The following PSG4 variants were observed in gnomAD, a reference collection of about 807,000 sequenced individuals.
PSG4 encodes the protein pregnancy specific beta-1-glycoprotein 4.
A neutral mutation model predicts 44.3 loss-of-function variants in PSG4; 61 were observed. The observed-to-expected ratio is 1.38, with a 90% CI of 1.12 to 1.70. The LOEUF (loss-of-function observed/expected upper bound fraction) is 1.70, where lower values mean the gene tolerates loss of function less well. PSG4 is among the 40% of genes most tolerant of loss of function. PSG4 has a pLI of 0.00. For missense variants in PSG4, 677 were observed against 511.7 expected, an observed-to-expected ratio of 1.32 and a Z score of -3.12; for synonymous variants, 248 against 191.3, an observed-to-expected ratio of 1.30 and a Z score of -2.45.
Position 43,194,427 on chromosome 19 carries a change from T to C in PSG4, c.1156A>G (p.Thr386Ala), listed in dbSNP as rs1313642020. 3.1e-6 allele frequency: 5 copies of C among 1,612,408 alleles called. No homozygotes were observed. In the African/African-American group the frequency reaches 4.0e-5, roughly 13 times the overall value. ...GQKLSIPQIT[T>A]KHSGLYACSV... ...CAAGCATAGAGCCCACTATGCTTTG[T>C]AGTTATTTGGGGGATAGAGAGCTTT... Residue 386 changes from threonine to alanine, a missense_variant, in exon 5 of 6, where the codon ACA (threonine) becomes GCA (alanine). Transcript: ENST00000405312.
intron 2 of PSG4, among the ~76,000 whole-genome samples, chr19:43,200,218 C>A (rs1243286603): frequency 1.4e-5 from 2 of 144,422 alleles, no homozygotes; most frequent in African/African-American, 5.4e-5. Flanking sequence ...GTGAAGAAAT[C>A]CAACTTATGA....
At chr19:43,195,353 T>C (rs1967196476) in intron 3 of PSG4, 80 bp from the exon 4 acceptor site, 3 of 1,556,794 alleles carry the variant, frequency 1.9e-6, no homozygotes, top group Middle Eastern at 4.6e-4. Context: ...AGAGTTGGCA[T>C]CTCCCACCTC....
rs1354964091 is a variant in PSG4, at chr19:43,193,656, CT to C, written c.1244-269del. On this transcript the variant is annotated intron_variant, in intron 5 of 5. Transcript: ENST00000405312. ...TATTTGCTCTAAGTTTTTATAAGGACTCTCAGATTAAACTTTTACAAAACCC... is the reference window on the plus strand; with the variant it reads ...TATTTGCTCTAAGTTTTTATAAGGACCTCAGATTAAACTTTTACAAAACCC... The C allele has an allele frequency of 1.2e-5, 7 of 563,570 alleles. 1 individual carries two copies. The highest frequency in any genetic ancestry group is 3.8e-5 in the African/African-American group (2 of 52,652). The allele number at this position is 563,570 out of a possible 1,614,324, so 34.9% of individuals were successfully genotyped here.
intron 1 of PSG4, among the ~76,000 whole-genome samples, chr19:43,205,181 A>G (rs531157674): frequency 8.3e-6 from 1 of 120,706 alleles, no homozygotes; most frequent in Admixed American, 9.7e-5. Flanking sequence ...TATCTTGGCT[A>G]GCTGCAACTT....
At chr19:43,203,648 C>A (rs987746128) in intron 2 of PSG4, 5 of 665,600 alleles carry the variant, frequency 7.5e-6, no homozygotes, top group South Asian at 2.0e-5. Flanking sequence ...CCTGCTGAGT[C>A]CCCCCATCAG....
In PSG4 at chr19:43,198,180, C is replaced by G. The variant is rs777453397; in HGVS notation, c.526G>C (p.Ala176Pro). 4.2e-5 allele frequency: 66 copies of G among 1,587,630 alleles called. 6 individuals are homozygous for G. The highest frequency in any genetic ancestry group is 5.5e-5 in the Non-Finnish European group (65 of 1,171,868). The change falls in exon 3 of 6, where the codon GCA becomes CCA. Residue 176 changes from alanine to proline, a missense_variant. Transcript: ENST00000405312. Reference sequence around the variant, plus strand: ...CCATTCATCCACCACTGGTAGCTTGCGGCTGGAGTCGCAGGATCACAGGTT... The same window carrying G: ...CCATTCATCCACCACTGGTAGCTTGGGGCTGGAGTCGCAGGATCACAGGTT... ...ILTCDPATPAASYQWWMNGQS... is the reference protein window; with the variant it reads ...ILTCDPATPAPSYQWWMNGQS...
At chr19:43,198,424 T>G (rs1967355569) in intron 2 of PSG4, 149 bp from the exon 3 acceptor site, 3 of 1,355,228 alleles carry the variant, frequency 2.2e-6, no homozygotes, top group Non-Finnish European at 2.9e-6. Context: ...GACAGATGCA[T>G]GGCAATCTGA....
intron 4 of PSG4, 75 bp downstream of exon 4, chr19:43,194,920 G>A: frequency 6.3e-7 from 1 of 1,583,728 alleles, no homozygotes; most frequent in South Asian, 1.2e-5. Context: ...ACTGGAGAGA[G>A]ACTGAGAGAC....
chr19:43,193,626 A>G (rs1304310465), intron 5 of PSG4: 1 of 576,098 alleles, frequency 1.7e-6, no homozygotes, highest in African/African-American at 1.9e-5. Context: ...GCTCTTTTAG[A>G]ATTTTATTTG....
At chr19:43,197,894 A>T in intron 3 of PSG4, 103 bp downstream of exon 3, 1 of 1,575,320 alleles carries the variant, frequency 6.3e-7, no homozygotes, top group Non-Finnish European at 8.6e-7. Flanking sequence ...GTCTAGGGGT[A>T]AAGGTCTCTG....
At chr19:43,199,487 G>A (rs1398480658) in intron 2 of PSG4, among the ~76,000 whole-genome samples, 1 of 145,272 alleles carries the variant, frequency 6.9e-6, no homozygotes. Flanking sequence ...TTTTATTTTG[G>A]AATATTTGCA....
At chr19:43,194,883 T>A (rs1967167925) in intron 4 of PSG4, 112 bp downstream of exon 4, 1 of 1,542,006 alleles carries the variant, frequency 6.5e-7, no homozygotes, top group African/African-American at 1.4e-5. Context: ...ACCTCGGATG[T>A]CCAGAAGTAA....
chr19:43,195,397 G>C (rs1249643580), intron 3 of PSG4, 124 bp from the exon 4 acceptor site: 15 of 1,449,536 alleles, frequency 1.0e-5, no homozygotes, highest in Admixed American at 2.0e-5. Flanking sequence ...GCCAATAGCT[G>C]GTGCTTCTGT....
chr19:43,195,061 A>G lies in PSG4; in HGVS notation c.922T>C (p.Tyr308His). Residue 308 changes from tyrosine to histidine, a missense_variant, in exon 4 of 6, where the codon TAT (tyrosine) becomes CAT (histidine). Transcript: ENST00000405312. ...PNVTRNETGPYQCEIRDRYGG... is the reference protein window; with the variant it reads ...PNVTRNETGPHQCEIRDRYGG... Reference sequence around the variant, plus strand: ...TATCGGTCCCGTATTTCACATTGATAAGGTCCTGTTTCATTTCTCGTGACA... The same window carrying G: ...TATCGGTCCCGTATTTCACATTGATGAGGTCCTGTTTCATTTCTCGTGACA... 1 of 1,611,722 alleles carries G rather than the reference A, an allele frequency of 6.2e-7. No homozygotes were observed. The highest frequency in any genetic ancestry group is 8.5e-7 in the Non-Finnish European group (1 of 1,179,056).
At position 43,200,099 on chromosome 19, in the gene PSG4, G is replaced by A. The variant is rs58610163; in HGVS notation, c.431-1824C>T. On this transcript the variant is annotated intron_variant, in intron 2 of 5. Transcript: ENST00000405312. ...GGGAGGACCCCAAAACAGGTATGTG[G>A]AATGCTTTCTTCATTTTCTGTTAAG... 4.8e-3 allele frequency among the ~76,000 whole-genome samples: 701 copies of A among 145,926 alleles called. 122 individuals carry two copies. Among genetic ancestry groups the A allele is most frequent in the African/African-American group, 0.018 (672 of 38,144 alleles).
In PSG4 at chr19:43,194,386, T is replaced by C; in HGVS notation, c.1197A>G (p.Ser399=). The C allele has an allele frequency of 9.3e-6, 15 of 1,612,496 alleles. 1 individual carries two copies. The highest frequency in any genetic ancestry group is 1.3e-5 in the Non-Finnish European group (15 of 1,179,136). ...ATTTGGAGCTTTCCTTGCCAGTGGC[T>C]GAGTTACGAACAGAGCAAGCATAGA... The part of the protein sequence containing the change: ...SGLYACSVRN[S]ATGKESSKSI... Residue 399 remains serine (S), a synonymous_variant, in exon 5 of 6, where the codon TCA becomes TCG. Transcript: ENST00000405312.
intron 3 of PSG4, among the ~76,000 whole-genome samples, chr19:43,195,820 C>T (rs1214041899): frequency 5.3e-5 from 8 of 149,960 alleles, no homozygotes; most frequent in Non-Finnish European, 1.5e-5. Flanking sequence ...AGAGTCAAGC[C>T]TGGAGGTCAG....
Position 43,198,436 on chromosome 19 carries a change from A to G in PSG4, c.431-161T>C, listed in dbSNP as rs144466984. Among the ~76,000 whole-genome samples, 759 of 145,774 alleles carry G rather than the reference A, an allele frequency of 5.2e-3. 128 individuals are homozygous for G. The highest frequency in any genetic ancestry group is 0.017 in the African/African-American group (660 of 38,166). ...AAAGACAGATGCATGGCAATCTGAG[A>G]GCTCAGAGATTGTGAGGCTGCCTGC... On this transcript the variant is annotated intron_variant, in intron 2 of 5. Coordinates refer to ENST00000405312, the MANE Select transcript of PSG4 (RefSeq NM_002780.5).
intron 3 of PSG4, chr19:43,196,574 G>A (rs909543459): frequency 6.6e-6 from 1 of 151,482 alleles, no homozygotes; most frequent in Non-Finnish European, 1.5e-5. Flanking sequence ...TTTCTTTTCA[G>A]CATCAGATTA....
Sources: allele counts gnomAD v4.1 joint callset (sites outside exome capture counted in the v4.1 genomes callset), GRCh38; gene constraint gnomAD v4.1.1; transcripts MANE v1.5; gene names NCBI Gene and HGNC (gene_info 2026-07-23, HGNC 2026-07-21).